The following PPM1E variants were observed in gnomAD, a reference collection of about 807,000 sequenced individuals.
PPM1E encodes protein phosphatase, Mg2+/Mn2+ dependent 1E, also known as protein phosphatase 1E.
In PPM1E, 20 loss-of-function variants were observed where a neutral mutation model predicts 65.9. The observed-to-expected ratio is 0.30, with a 90% CI of 0.21 to 0.44. PPM1E has a LOEUF of 0.44. Ranked by LOEUF, PPM1E falls within the 20% of genes least tolerant of loss-of-function variation. The pLI, the probability that PPM1E is intolerant of heterozygous loss-of-function variation, is 1.00. For missense variants in PPM1E, 713 were observed against 953.1 expected (o/e 0.75, Z 3.32); for synonymous variants, 352 against 374.9 (o/e 0.94, Z 0.70).
At chr17:58,968,951 C>T (rs1394044003) in intron 3 of PPM1E, among the ~76,000 whole-genome samples, 7 of 152,148 alleles carry the variant, frequency 4.6e-5, no homozygotes, top group Non-Finnish European at 1.0e-4. Context: ...TTTAGAGATG[C>T]TGTGCTATTT....
intron 1 of PPM1E, among the ~76,000 whole-genome samples, chr17:58,883,440 T>G: frequency 6.6e-6 from 1 of 151,808 alleles, no homozygotes; most frequent in African/African-American, 2.4e-5. Flanking sequence ...ATTTTCCAAA[T>G]ACAGGCTTTC....
chr17:58,876,036 A>C (rs1159597265), intron 1 of PPM1E, among the ~76,000 whole-genome samples: 1 of 152,204 alleles, frequency 6.6e-6, no homozygotes, highest in African/African-American at 2.4e-5. Flanking sequence ...AACTTGTTAC[A>C]TTGACTGCAT....
chr17:58,972,861 A>G lies in PPM1E; in HGVS notation c.1146A>G (p.Gly382=), dbSNP rs1199509344. 1 of 1,613,012 alleles carries G rather than the reference A, an allele frequency of 6.2e-7. No homozygotes were observed. Among genetic ancestry groups the G allele is most frequent in the Non-Finnish European group, 8.5e-7 (1 of 1,179,170 alleles). ...EDEKQRIEAL[G]GCVVWFGAWR... ...AAAAGCAGAGAATTGAGGCCCTTGG[A>G]GGTTGCGTAGTCTGGTTTGGTGCCT... is the stretch of plus-strand genomic sequence containing the variant. Residue 382 remains glycine (G), a synonymous_variant, in exon 6 of 7, where the codon GGA becomes GGG. Transcript: ENST00000308249.
At chr17:58,953,495 G>A (rs2052268953) in intron 1 of PPM1E, among the ~76,000 whole-genome samples, 1 of 152,074 alleles carries the variant, frequency 6.6e-6, no homozygotes, top group African/African-American at 2.4e-5. Context: ...ATTACCACAA[G>A]GACTACACCA....
At chr17:58,835,736 G>A (rs1402513072) in intron 1 of PPM1E, among the ~76,000 whole-genome samples, 1 of 151,960 alleles carries the variant, frequency 6.6e-6, no homozygotes, top group Non-Finnish European at 1.5e-5. Context: ...GTGCATGGTG[G>A]TGCATGCCTG....
intron 1 of PPM1E, among the ~76,000 whole-genome samples, chr17:58,937,355 C>T (rs2051996602): frequency 6.7e-6 from 1 of 149,012 alleles, no homozygotes; most frequent in African/African-American, 2.5e-5. Context: ...CCTCCACCTC[C>T]CCAGTTCAAG....
At chr17:58,823,388 T>C (rs2050500223) in intron 1 of PPM1E, among the ~76,000 whole-genome samples, 5 of 152,178 alleles carry the variant, frequency 3.3e-5, no homozygotes, top group Admixed American at 2.6e-4. Flanking sequence ...TTTCTCAGGA[T>C]TGTGATAACG....
chr17:58,883,678 G>T (rs1305299150), intron 1 of PPM1E, among the ~76,000 whole-genome samples: 1 of 150,942 alleles, frequency 6.6e-6, no homozygotes, highest in Non-Finnish European at 1.5e-5. Flanking sequence ...GTAGAGACGG[G>T]GTTTCACTGT....
chr17:58,898,721 G>GCGGCA (rs1247196948), intron 1 of PPM1E, among the ~76,000 whole-genome samples: 1 of 152,108 alleles, frequency 6.6e-6, no homozygotes, highest in Non-Finnish European at 1.5e-5. Context: ...TATGTTTATT[G>GCGGCA]CGGCACTATT....
chr17:58,855,430 CA>C (rs1170508415), intron 1 of PPM1E, among the ~76,000 whole-genome samples: 2 of 152,266 alleles, frequency 1.3e-5, no homozygotes, highest in Admixed American at 6.5e-5. Flanking sequence ...GAAACCTAAT[CA>C]TAGGACTGTA....
intron 1 of PPM1E, chr17:58,785,470 A>AAAT (rs1287740725): frequency 1.3e-5 from 1 of 77,938 alleles, no homozygotes; most frequent in African/African-American, 3.4e-5. Flanking sequence ...ATATATATAT[A>AAAT]TATATATATA....
At chr17:58,831,066 A>T (rs1014387632) in intron 1 of PPM1E, among the ~76,000 whole-genome samples, 2 of 148,916 alleles carry the variant, frequency 1.3e-5, no homozygotes, top group African/African-American at 5.0e-5. Flanking sequence ...GCTGGAGTGC[A>T]GTAGCACAAT....
intron 4 of PPM1E, 45 bp downstream of exon 4, chr17:58,969,772 A>G (rs2030477248): frequency 1.3e-6 from 2 of 1,575,156 alleles, no homozygotes; most frequent in Non-Finnish European, 1.7e-6. Context: ...GTACTAGCTG[A>G]GCTCAATTTG....
At chr17:58,818,791 TTA>T (rs1317023504) in intron 1 of PPM1E, among the ~76,000 whole-genome samples, 7 of 152,240 alleles carry the variant, frequency 4.6e-5, no homozygotes, top group Non-Finnish European at 1.0e-4. Context: ...TGTAAACTCC[TTA>T]AGGGCAAGAG....
At chr17:58,912,345 T>C (rs1040584684) in intron 1 of PPM1E, among the ~76,000 whole-genome samples, 3 of 151,994 alleles carry the variant, frequency 2.0e-5, no homozygotes, top group African/African-American at 7.2e-5. Flanking sequence ...AGTAAGAAAA[T>C]CCTCTCTAAT....
At chr17:58,891,247 T>C (rs1394835721) in intron 1 of PPM1E, among the ~76,000 whole-genome samples, 1 of 152,230 alleles carries the variant, frequency 6.6e-6, no homozygotes. Flanking sequence ...ATTACAGGCA[T>C]GAGCCACTCG....
chr17:58,787,280 C>T (rs2050109461), intron 1 of PPM1E, among the ~76,000 whole-genome samples: 1 of 152,110 alleles, frequency 6.6e-6, no homozygotes, highest in African/African-American at 2.4e-5. Flanking sequence ...GTTATGATGG[C>T]AAGATTCCCA....
chr17:58,923,862 T>C (rs1039275912), intron 1 of PPM1E, among the ~76,000 whole-genome samples: 1 of 150,032 alleles, frequency 6.7e-6, no homozygotes, highest in African/African-American at 2.4e-5. Flanking sequence ...TGCAGTGAGC[T>C]ATGCTTGCAT....
intron 1 of PPM1E, among the ~76,000 whole-genome samples, chr17:58,889,444 C>CA (rs1255837506): frequency 6.6e-6 from 1 of 152,062 alleles, no homozygotes; most frequent in Non-Finnish European, 1.5e-5. Flanking sequence ...ACTAAAAATA[C>CA]AAAAAATAAC....
Sources: gnomAD v4.1 joint callset for allele counts (sites outside exome capture counted in the v4.1 genomes callset) on GRCh38, gnomAD v4.1.1 for gene constraint, MANE v1.5 for transcripts, NCBI Gene and HGNC (gene_info 2026-07-23, HGNC 2026-07-21) for gene names.